HSF2: variants seen among roughly 807,000 people sequenced by gnomAD.
The protein encoded by HSF2 is heat shock transcription factor 2, also known as heat shock factor protein 2.
HSF2 carries 21 observed loss-of-function variants against 65.0 expected under a neutral mutation model. The ratio of observed to expected loss-of-function variants is 0.32; its 90% CI spans 0.23 to 0.47. The LOEUF is 0.47. Among genes scored for constraint, HSF2 ranks in the 20% least tolerant of loss-of-function variants. HSF2 has a pLI of 1.00. For synonymous variants in HSF2, 225 were observed against 219.1 expected, an observed-to-expected ratio of 1.03 and a Z score of -0.24; for missense variants, 499 against 628.1, an observed-to-expected ratio of 0.79 and a Z score of 2.20.
intron 4 of HSF2, among the ~76,000 whole-genome samples, chr6:122,414,831 G>A (rs1253029619): frequency 6.6e-6 from 1 of 152,174 alleles, no homozygotes; most frequent in Non-Finnish European, 1.5e-5. Context: ...TGGCCAGGCT[G>A]TTCTCAAACT....
Position 122,403,656 on chromosome 6 carries a change from T to C in HSF2, c.93+3826T>C, listed in dbSNP as rs942707802. Among the ~76,000 whole-genome samples, 7 of 152,310 alleles carry C rather than the reference T, an allele frequency of 4.6e-5. No homozygotes were observed. In the East Asian group the frequency reaches 1.3e-3, roughly 29 times the overall value. On this transcript the variant is annotated intron_variant, in intron 1 of 12. Coordinates refer to ENST00000368455, the MANE Select transcript of HSF2 (RefSeq NM_004506.4). Reference sequence around the variant, plus strand: ...AAGAAAAGAAAGTATGTTTTACATATTTCCATTTTCTCCTTACTCTTCTGA... The same window carrying C: ...AAGAAAAGAAAGTATGTTTTACATACTTCCATTTTCTCCTTACTCTTCTGA...
chr6:122,418,908 C>G (rs1774177708), intron 5 of HSF2, among the ~76,000 whole-genome samples: 1 of 152,100 alleles, frequency 6.6e-6, no homozygotes, highest in South Asian at 2.1e-4. Context: ...GTGTAATCTT[C>G]AAAGTACTTG....
chr6:122,427,096 C>T lies in HSF2; in HGVS notation c.1177-807C>T, dbSNP rs184479046. Among the ~76,000 whole-genome samples the T allele has an allele frequency of 4.6e-5, 7 of 152,080 alleles. No individual in the cohort carries two copies. The East Asian group carries it at 1.4e-3, about 29-fold the overall frequency. ...TATGTTTCTGTGTGCGCTTTCCTCCCTTCCCATTGTCTTAACTCCTTAGTG... is the reference window on the plus strand; with the variant it reads ...TATGTTTCTGTGTGCGCTTTCCTCCTTTCCCATTGTCTTAACTCCTTAGTG... On this transcript the variant is annotated intron_variant, in intron 10 of 12. Transcript: ENST00000368455.
chr6:122,403,459 T>C (rs187612246), intron 1 of HSF2, among the ~76,000 whole-genome samples: 70 of 152,030 alleles, frequency 4.6e-4, no homozygotes, highest in Admixed American at 3.9e-4. Flanking sequence ...ATACAGAAAG[T>C]AGCCAGGTAT....
At chr6:122,415,691 C>G (rs553712213) in intron 4 of HSF2, among the ~76,000 whole-genome samples, 11 of 152,076 alleles carry the variant, frequency 7.2e-5, no homozygotes, top group African/African-American at 2.7e-4. Context: ...TATCTATTGT[C>G]ATGAGTAGCA....
At chr6:122,430,158 CTATTAAT>C (rs1239928908) in intron 11 of HSF2, among the ~76,000 whole-genome samples, 1 of 152,084 alleles carries the variant, frequency 6.6e-6, no homozygotes, top group Non-Finnish European at 1.5e-5. Context: ...GGTTGGTAGG[CTATTAAT>C]TACTGCCTCA....
chr6:122,404,762 CA>C (rs1439100426), intron 1 of HSF2, among the ~76,000 whole-genome samples: 3 of 152,080 alleles, frequency 2.0e-5, no homozygotes, highest in African/African-American at 7.2e-5. Context: ...TTGAACCTCA[CA>C]GGTTTAAAAG....
At chr6:122,419,348 C>G (rs1044984403) in intron 6 of HSF2, 119 bp downstream of exon 6, 2 of 520,480 alleles carry the variant, frequency 3.8e-6, no homozygotes, top group Non-Finnish European at 3.5e-6. Context: ...GAACAATTCT[C>G]CTTTGTTAAA....
Position 122,427,889 on chromosome 6 carries a change from G to A in HSF2, c.1177-14G>A. 1 of 1,573,396 alleles carries A rather than the reference G, an allele frequency of 6.4e-7. No individual in the cohort carries two copies. The highest frequency in any genetic ancestry group is 1.1e-5 in the South Asian group (1 of 87,286). On this transcript the variant is annotated splice_polypyrimidine_tract_variant and intron_variant, in intron 10 of 12. Transcript: ENST00000368455. ...ATTTTTTAAACTTATCATCTTTCTT[G>A]TTTGGTCTTTCAGCTTTTCACTAGT...
intron 3 of HSF2, among the ~76,000 whole-genome samples, chr6:122,413,262 G>A (rs1774040853): frequency 6.6e-6 from 1 of 151,806 alleles, no homozygotes; most frequent in South Asian, 2.1e-4. Flanking sequence ...CTTGGCATAA[G>A]GGGAGAATAA....
intron 1 of HSF2, 26 bp downstream of exon 1, chr6:122,399,856 G>T: frequency 6.5e-7 from 1 of 1,543,124 alleles, no homozygotes; most frequent in Non-Finnish European, 8.9e-7. Flanking sequence ...GGCGGCCTCT[G>T]AACCCCCTGA....
At position 122,422,812 on chromosome 6, in the gene HSF2, A is replaced by G; in HGVS notation, c.925A>G (p.Arg309Gly). 6.2e-7 allele frequency: 1 copy of G among 1,613,778 alleles called. No homozygotes were observed. The highest frequency in any genetic ancestry group is 8.5e-7 in the Non-Finnish European group (1 of 1,179,798). The change falls in exon 9 of 13, where the codon AGA becomes GGA. Residue 309 changes from arginine to glycine, a missense_variant. By Grantham distance (125) the Arg-to-Gly change is moderately radical. Transcript: ENST00000368455. ...IQSGEQNEPA[R>G]ESLSSGSDGS... The stretch of plus-strand genomic sequence containing the variant: ...GAGTGGAGAGCAGAATGAACCAGCC[A>G]GAGAATCCCTAAGTTCAGGCAGTGA...
rs1582613398 is a variant in HSF2 at position 122,416,260 on chromosome 6, A to G, written c.495A>G (p.Arg165=). 6.2e-7 allele frequency: 1 copy of G among 1,611,942 alleles called. No individual in the cohort carries two copies. The change falls in exon 5 of 13, where the codon CGA becomes CGG. Residue 165 remains arginine (R), a synonymous_variant. Coordinates refer to ENST00000368455, the MANE Select transcript of HSF2 (RefSeq NM_004506.4). ...TTTGGAAGGAGGTGTCAGAATTACG[A>G]GCAAAGCATGCACAACAGCAACAAG... ...ESLWKEVSEL[R]AKHAQQQQVI... is the part of the protein sequence containing the mutation.
intron 1 of HSF2, among the ~76,000 whole-genome samples, chr6:122,406,031 T>A (rs1455064504): frequency 6.6e-6 from 1 of 152,198 alleles, no homozygotes; most frequent in Non-Finnish European, 1.5e-5. Context: ...TGCAGAAGCT[T>A]GCCAAGGATA....
chr6:122,412,866 C>T, intron 3 of HSF2, 102 bp downstream of exon 3: 1 of 1,075,940 alleles, frequency 9.3e-7, no homozygotes, highest in Non-Finnish European at 1.3e-6. Flanking sequence ...CACAACTGTT[C>T]CTTGTTGGGA....
At chr6:122,427,195 T>C (rs189512925) in intron 10 of HSF2, among the ~76,000 whole-genome samples, 2 of 152,102 alleles carry the variant, frequency 1.3e-5, no homozygotes, top group Non-Finnish European at 2.9e-5. Context: ...ATGTTGGTCT[T>C]ACCTTGTCCT....
chr6:122,428,670 C>T (rs1238901808), intron 11 of HSF2, among the ~76,000 whole-genome samples: 2 of 151,820 alleles, frequency 1.3e-5, no homozygotes, highest in African/African-American at 2.4e-5. Flanking sequence ...AAATCAAGTC[C>T]AGATTCCAGA....
At chr6:122,416,083 A>C (rs904051979) in intron 4 of HSF2, 138 bp from the exon 5 acceptor site, 1 of 569,448 alleles carries the variant, frequency 1.8e-6, no homozygotes, top group Non-Finnish European at 3.1e-6. Flanking sequence ...AATTGAACCA[A>C]AGTTTTCTTG....
At chr6:122,409,884 T>C (rs1340703611) in intron 1 of HSF2, among the ~76,000 whole-genome samples, 1 of 151,924 alleles carries the variant, frequency 6.6e-6, no homozygotes, top group Admixed American at 6.6e-5. Flanking sequence ...TTATTTTTCT[T>C]CCCAAATGGA....
Sources: allele counts gnomAD v4.1 joint callset (sites outside exome capture counted in the v4.1 genomes callset), GRCh38; gene constraint gnomAD v4.1.1; transcripts MANE v1.5; gene names NCBI Gene and HGNC (gene_info 2026-07-23, HGNC 2026-07-21).